ZNF880: variants seen among roughly 807,000 people sequenced by gnomAD.
ZNF880 encodes the protein zinc finger protein LOC400713.
Under a neutral mutation model 11.8 loss-of-function variants are expected in ZNF880, and 12 were observed. That is an observed-to-expected ratio of 1.02 (90% CI 0.65 to 1.65). The LOEUF is 1.65. Ranked by LOEUF, ZNF880 falls within the 40% of genes most tolerant of loss-of-function variation. The pLI is 0.00. For missense variants in ZNF880, 601 were observed against 673.9 expected, an observed-to-expected ratio of 0.89 and a Z score of 1.20; for synonymous variants, 210 against 232.4, an observed-to-expected ratio of 0.90 and a Z score of 0.88.
chr19:52,388,210 AGTTT>A (rs888355670), downstream of ZNF880, among the ~76,000 whole-genome samples: 1 of 139,522 alleles, frequency 7.2e-6, no homozygotes, highest in Non-Finnish European at 1.5e-5. Flanking sequence ...ATAGAATGGG[AGTTT>A]TTTTTGCTTT....
At position 52,384,332 on chromosome 19, in the gene ZNF880, G is replaced by C. The variant is rs769282644; in HGVS notation, c.752G>C (p.Arg251Pro). Residue 251 changes from arginine (R) to proline (P), a missense_variant, in exon 4 of 4, where the codon CGA (arginine) becomes CCA (proline). Transcript: ENST00000422689. ...KCHECGKLFN[R>P]ISLLARHQRI... The stretch of plus-strand genomic sequence containing the variant: ...CATGAATGTGGCAAGCTCTTCAATC[G>C]AATTTCACTCCTTGCACGACATCAG... 1 of 1,483,306 alleles carries C rather than the reference G, an allele frequency of 6.7e-7. No individual in the cohort carries two copies. The highest frequency in any genetic ancestry group is 1.2e-5 in the South Asian group (1 of 86,832). 91.9% of individuals were successfully genotyped at this position (1,483,306 alleles called of 1,614,324 possible).
chr19:52,391,911 C>T, the ZNF880 span, among the ~76,000 whole-genome samples: 16 of 152,252 alleles, frequency 1.1e-4, no homozygotes, highest in Admixed American at 7.2e-4. Context: ...AGTGAATGCT[C>T]AACACAGAAT....
At chr19:52,391,444 G>A in the ZNF880 span, 2 of 151,716 alleles carry the variant, frequency 1.3e-5, no homozygotes, top group Non-Finnish European at 2.9e-5. Context: ...TGGAAGAGAA[G>A]GAATAGAGGG....
chr19:52,380,848 T>A (rs1411563072), intron 3 of ZNF880, among the ~76,000 whole-genome samples: 1 of 152,068 alleles, frequency 6.6e-6, no homozygotes, highest in Non-Finnish European at 1.5e-5. Flanking sequence ...GGCTAATTTT[T>A]AAAAATTTTT....
downstream of ZNF880, among the ~76,000 whole-genome samples, chr19:52,388,281 A>AATTTTTTTTTT: frequency 2.6e-5 from 1 of 38,900 alleles, no homozygotes; most frequent in Non-Finnish European, 4.6e-5. Flanking sequence ...GGCAATTTGA[A>AATTTTTTTTTT]CTTTTTTTTT....
At chr19:52,372,112 C>G (rs1986391138) in intron 1 of ZNF880, among the ~76,000 whole-genome samples, 1 of 151,536 alleles carries the variant, frequency 6.6e-6, no homozygotes, top group Admixed American at 6.6e-5. Flanking sequence ...TCACTTGAAC[C>G]TGGGAGGCGG....
At chr19:52,396,333 T>A in the ZNF880 span, 83 of 152,140 alleles carry the variant, frequency 5.5e-4, no homozygotes, top group African/African-American at 1.8e-3. Context: ...GATCTGGAGG[T>A]AGAGGCTGGT....
intron 3 of ZNF880, among the ~76,000 whole-genome samples, chr19:52,376,526 T>TTTTC: frequency 7.1e-6 from 1 of 141,048 alleles, no homozygotes; most frequent in Non-Finnish European, 1.5e-5. Flanking sequence ...TTTTTTTTTT[T>TTTTC]TGAGACAGCG....
At position 52,384,793 on chromosome 19, in the gene ZNF880, G is replaced by A. The variant is rs578235914; in HGVS notation, c.1213G>A (p.Glu405Lys). The change falls in exon 4 of 4, where the codon GAG becomes AAG. Residue 405 changes from glutamate to lysine, a missense_variant. By Grantham distance (56) the Glu-to-Lys change is moderately conservative (BLOSUM62 1). Around this residue, in one of 3 missense-constraint regions of ZNF880, gnomAD observed 177 missense variants for 214.5 expected, o/e 0.83. Coordinates refer to ENST00000422689, the MANE Select transcript of ZNF880 (RefSeq NM_001145434.2). ...CAATCATCATAGAATGCACACGGGA[G>A]AGCAACCTTACAAATGTAATGAATG... is the stretch of plus-strand genomic sequence containing the variant. Reference protein sequence around the residue: ...LTNHHRMHTGEQPYKCNECGK... With the variant: ...LTNHHRMHTGKQPYKCNECGK... The A allele has an allele frequency of 4.1e-5, 66 of 1,611,178 alleles. 1 individual carries two copies. In the South Asian group the frequency reaches 4.8e-4, roughly 12 times the overall value.
Position 52,369,997 on chromosome 19 carries a change from GA to G in ZNF880, c.12+21del. 1.3e-6 allele frequency: 2 copies of G among 1,551,614 alleles called. No homozygotes were observed. Among genetic ancestry groups the G allele is most frequent in the Non-Finnish European group, 1.7e-6 (2 of 1,146,970 alleles). ...CGGCGTGTGAGTTTCCCTTTGTTTA[GA>G]TTAAATCTGGGATGCTGAGTCCCCT... is the stretch of plus-strand genomic sequence containing the variant. On this transcript the variant is annotated intron_variant, in intron 1 of 3. Transcript: ENST00000422689.
chr19:52,383,279 C>A (rs1986755833), intron 3 of ZNF880, among the ~76,000 whole-genome samples: 1 of 152,084 alleles, frequency 6.6e-6, no homozygotes, highest in South Asian at 2.1e-4. Flanking sequence ...CAGAGGGCTG[C>A]CTATTTTTAG....
chr19:52,390,135 G>A (rs932843636), downstream of ZNF880: 5 of 165,598 alleles, frequency 3.0e-5, no homozygotes, highest in Non-Finnish European at 4.0e-5. Context: ...CCATGGGGTC[G>A]TGTCCCCCGT....
chr19:52,393,399 TTTTC>T, the ZNF880 span, among the ~76,000 whole-genome samples: 30 of 139,032 alleles, frequency 2.2e-4, no homozygotes, highest in South Asian at 7.4e-4. Flanking sequence ...TGAATGGAAA[TTTTC>T]TTTCTTTCTT....
At chr19:52,377,707 G>C (rs1475299878) in intron 3 of ZNF880, among the ~76,000 whole-genome samples, 1 of 152,180 alleles carries the variant, frequency 6.6e-6, no homozygotes, top group Non-Finnish European at 1.5e-5. Flanking sequence ...AGGATGTTTT[G>C]AAGGATACAG....
chr19:52,384,872 CT>C lies in ZNF880; in HGVS notation c.1293del (p.Gly432GlufsTer20). ...SGLTAHLLIHTGEKPYKCKEC... is the reference protein window; with the variant it reads ...SGLTAHLLIHXGEKPYKCKEC... ...CTTACTGCCCATCTACTAATTCACACTGGAGAGAAACCTTACAAATGTAAAG... is the reference window on the plus strand; with the variant it reads ...CTTACTGCCCATCTACTAATTCACACGGAGAGAAACCTTACAAATGTAAAG... On this transcript the variant is annotated frameshift_variant, in exon 4 of 4. Transcript: ENST00000422689. LOFTEE classifies it low-confidence loss of function (END_TRUNC). 1 of 1,566,518 alleles carries C rather than the reference CT, an allele frequency of 6.4e-7. No individual in the cohort carries two copies. Among genetic ancestry groups the C allele is most frequent in the Non-Finnish European group, 8.6e-7 (1 of 1,156,376 alleles).
chr19:52,392,985 C>G, the ZNF880 span, among the ~76,000 whole-genome samples: 1 of 152,056 alleles, frequency 6.6e-6, no homozygotes, highest in African/African-American at 2.4e-5. Context: ...CTGCACCCTG[C>G]AAAGCCACAC....
chr19:52,382,624 A>G (rs1986737875), intron 3 of ZNF880, among the ~76,000 whole-genome samples: 2 of 152,324 alleles, frequency 1.3e-5, no homozygotes, highest in African/African-American at 4.8e-5. Flanking sequence ...TCTAGCCTGC[A>G]AAGTTTCTGT....
rs939158567 is a variant in ZNF880, at chr19:52,385,113, G to A, written c.1533G>A (p.Arg511=). 9.6e-6 allele frequency: 15 copies of A among 1,555,466 alleles called. No individual in the cohort carries two copies. The highest frequency in any genetic ancestry group is 1.4e-5 in the African/African-American group (1 of 72,470). Residue 511 remains arginine (R), a synonymous_variant, in exon 4 of 4, where the codon AGG becomes AGA. Coordinates refer to ENST00000422689, the MANE Select transcript of ZNF880 (RefSeq NM_001145434.2). The part of the protein sequence containing the change: ...FSHNSHLARH[R]QIHTGEKSYK... Reference sequence around the variant, plus strand: ...ACAATTCACACCTTGCACGACATAGGCAAATTCATACTGGAGAGAAGTCTT... The same window carrying A: ...ACAATTCACACCTTGCACGACATAGACAAATTCATACTGGAGAGAAGTCTT...
At chr19:52,390,319 G>A (rs1056131929), downstream of ZNF880, 16 of 397,036 alleles carry the variant, frequency 4.0e-5, no homozygotes, top group East Asian at 1.3e-3. Context: ...GGAGCGCAGC[G>A]ACGCAGCCCC....
Sources: allele counts gnomAD v4.1 joint callset (sites outside exome capture counted in the v4.1 genomes callset), GRCh38; gene constraint gnomAD v4.1.1; regional missense constraint gnomAD v4.1.1; transcripts MANE v1.5; gene names NCBI Gene and HGNC (gene_info 2026-07-23, HGNC 2026-07-21).